Variants in SH3RF3 observed in about 807,000 individuals in gnomAD.
The protein encoded by SH3RF3 is SH3 domain containing ring finger 3.
SH3RF3 carries 29 observed loss-of-function variants against 66.3 expected under a neutral mutation model. The ratio of observed to expected loss-of-function variants is 0.44; its 90% CI spans 0.33 to 0.60. SH3RF3 has a LOEUF of 0.60. Ranked by LOEUF, SH3RF3 falls within the 20% of genes least tolerant of loss-of-function variation. The pLI, the probability that SH3RF3 is intolerant of heterozygous loss-of-function variation, is 0.04. For synonymous variants in SH3RF3, 583 were observed against 532.0 expected, an observed-to-expected ratio of 1.10 and a Z score of -1.32; for missense variants, 1,194 against 1,190.9, an observed-to-expected ratio of 1.00 and a Z score of -0.04.
intron 1 of SH3RF3, among the ~76,000 whole-genome samples, chr2:109,315,067 C>T (rs1044771801): frequency 2.0e-5 from 3 of 152,266 alleles, no homozygotes; most frequent in Non-Finnish European, 4.4e-5. Context: ...ATACACGACA[C>T]GTTTCCATCA....
intron 1 of SH3RF3, among the ~76,000 whole-genome samples, chr2:109,205,018 G>T (rs1047063950): frequency 6.6e-6 from 1 of 152,094 alleles, no homozygotes; most frequent in Non-Finnish European, 1.5e-5. Context: ...GACCGGCCTG[G>T]TCAACATAGT....
intron 1 of SH3RF3, among the ~76,000 whole-genome samples, chr2:109,259,693 A>G (rs954923182): frequency 6.6e-6 from 1 of 152,232 alleles, no homozygotes; most frequent in Non-Finnish European, 1.5e-5. Context: ...CGGCCTACGG[A>G]AGAAGAATTT....
chr2:109,164,170 T>C (rs1677561041), intron 1 of SH3RF3, among the ~76,000 whole-genome samples: 1 of 149,514 alleles, frequency 6.7e-6, no homozygotes, highest in Non-Finnish European at 1.5e-5. Flanking sequence ...TGCCTCTCTC[T>C]TTTTTTTTTC....
At chr2:109,318,134 A>G (rs924895263) in intron 1 of SH3RF3, among the ~76,000 whole-genome samples, 1 of 151,864 alleles carries the variant, frequency 6.6e-6, no homozygotes, top group Non-Finnish European at 1.5e-5. Context: ...CAGAAAAACC[A>G]TTCTAGGGAC....
chr2:109,223,726 G>A (rs1334987276), intron 1 of SH3RF3, among the ~76,000 whole-genome samples: 5 of 152,114 alleles, frequency 3.3e-5, no homozygotes, highest in Admixed American at 3.3e-4. Flanking sequence ...ATGTGTCGTT[G>A]TCTTTCCTTG....
chr2:109,411,604 T>C (rs746101452), intron 4 of SH3RF3, among the ~76,000 whole-genome samples: 6 of 152,180 alleles, frequency 3.9e-5, no homozygotes, highest in Non-Finnish European at 7.3e-5. Context: ...CTCATTTCTT[T>C]GTACTTTTAG....
chr2:109,143,284 G>A (rs1266222509), intron 1 of SH3RF3, among the ~76,000 whole-genome samples: 4 of 152,194 alleles, frequency 2.6e-5, no homozygotes, highest in South Asian at 4.1e-4. Context: ...AGTAAGTATC[G>A]TGAAACTGAG....
intron 4 of SH3RF3, among the ~76,000 whole-genome samples, chr2:109,417,424 A>G (rs1402483131): frequency 3.9e-5 from 6 of 152,078 alleles, no homozygotes; most frequent in Non-Finnish European, 8.8e-5. Flanking sequence ...GGGCAGACAG[A>G]AGACCCTGGA....
At chr2:109,251,323 AAGAATT>A (rs1680086904) in intron 1 of SH3RF3, 1 of 452,356 alleles carries the variant, frequency 2.2e-6, no homozygotes, top group African/African-American at 2.0e-5. Context: ...ATCTTTAACA[AAGAATT>A]AGAGAGATGC....
chr2:109,487,953 T>C (rs1321127345), intron 8 of SH3RF3, among the ~76,000 whole-genome samples: 1 of 152,182 alleles, frequency 6.6e-6, no homozygotes, highest in Non-Finnish European at 1.5e-5. Flanking sequence ...GAGGGGAGCC[T>C]AGACGGGGAT....
chr2:109,390,866 GGGC>G (rs1675970563), intron 3 of SH3RF3, among the ~76,000 whole-genome samples: 1 of 152,204 alleles, frequency 6.6e-6, no homozygotes, highest in Non-Finnish European at 1.5e-5. Context: ...CACTGGCAGA[GGGC>G]GGCCCCTGAA....
intron 1 of SH3RF3, among the ~76,000 whole-genome samples, chr2:109,212,763 C>T (rs1226826013): frequency 2.0e-5 from 3 of 152,190 alleles, no homozygotes; most frequent in South Asian, 2.1e-4. Context: ...GCCTTCTCCC[C>T]CACCCGTCAG....
intron 1 of SH3RF3, among the ~76,000 whole-genome samples, chr2:109,165,431 G>T (rs913947971): frequency 6.6e-6 from 1 of 152,148 alleles, no homozygotes; most frequent in South Asian, 2.1e-4. Flanking sequence ...CACCACCCCT[G>T]CTAGAAGGAA....
intron 8 of SH3RF3, among the ~76,000 whole-genome samples, chr2:109,462,644 G>A (rs902458947): frequency 2.0e-5 from 3 of 152,232 alleles, no homozygotes; most frequent in Non-Finnish European, 4.4e-5. Context: ...AGGCAGGTTA[G>A]TGGCTTCCAC....
At position 109,277,079 on chromosome 2, in the gene SH3RF3, C is replaced by T. The variant is rs142059405; in HGVS notation, c.574-70595C>T. Among the ~76,000 whole-genome samples, 628 of 152,270 alleles carry T rather than the reference C, an allele frequency of 4.1e-3. 2 individuals carry two copies. Among genetic ancestry groups the T allele is most frequent in the African/African-American group, 0.014 (584 of 41,526 alleles). ...GTGCTGGGATAAAGCTGAAGTCAGC[C>T]CCACGCCGGCGGTCCCTCAACTGTC... is the stretch of plus-strand genomic sequence containing the variant. On this transcript the variant is annotated intron_variant, in intron 1 of 9. Transcript: ENST00000309415.
At chr2:109,277,035 A>G (rs985632151) in intron 1 of SH3RF3, among the ~76,000 whole-genome samples, 13 of 152,158 alleles carry the variant, frequency 8.5e-5, no homozygotes, top group Non-Finnish European at 1.5e-4. Context: ...CACCTGTCAA[A>G]TGGCAGGCAC....
At chr2:109,493,772 G>GCA (rs1679188484) in intron 9 of SH3RF3, among the ~76,000 whole-genome samples, 1 of 151,632 alleles carries the variant, frequency 6.6e-6, no homozygotes, top group Admixed American at 6.6e-5. Context: ...AACATGCACT[G>GCA]CACACACACC....
chr2:109,271,691 G>A (rs1289234385), intron 1 of SH3RF3, among the ~76,000 whole-genome samples: 1 of 152,212 alleles, frequency 6.6e-6, no homozygotes, highest in Non-Finnish European at 1.5e-5. Context: ...TTGTCATTTA[G>A]GACGAAGGGC....
intron 8 of SH3RF3, among the ~76,000 whole-genome samples, chr2:109,466,931 ATGTATGTGTGTG>A (rs2104707016): frequency 6.6e-6 from 1 of 151,230 alleles, no homozygotes; most frequent in Admixed American, 6.6e-5. Flanking sequence ...GTATGTATGC[ATGTATGTGTGTG>A]TCTATATATC....
Sources: gnomAD v4.1 joint callset for allele counts (sites outside exome capture counted in the v4.1 genomes callset) on GRCh38, gnomAD v4.1.1 for gene constraint, MANE v1.5 for transcripts, NCBI Gene and HGNC (gene_info 2026-07-23, HGNC 2026-07-21) for gene names.